Variants in CNTN4 observed in about 807,000 individuals in gnomAD.
The protein encoded by CNTN4 is contactin-4.
In CNTN4, 77 loss-of-function variants were observed where a neutral mutation model predicts 122.5. The ratio of observed to expected loss-of-function variants is 0.63; its 90% CI spans 0.52 to 0.76. CNTN4 has a LOEUF of 0.76. Ranked by LOEUF, CNTN4 falls within the 30% of genes least tolerant of loss-of-function variation. CNTN4 has a pLI of 0.00. For missense variants in CNTN4, 1,256 were observed against 1,259.1 expected, an observed-to-expected ratio of 1.00 and a Z score of 0.04; for synonymous variants, 512 against 447.0, an observed-to-expected ratio of 1.15 and a Z score of -1.83.
intron 3 of CNTN4, among the ~76,000 whole-genome samples, chr3:2,470,296 C>T (rs1371756263): frequency 3.9e-5 from 6 of 151,974 alleles, no homozygotes; most frequent in African/African-American, 1.2e-4. Flanking sequence ...CCAGTGGTCT[C>T]GATCTCCTGA....
chr3:2,612,138 AC>A (rs2081523953), intron 4 of CNTN4, among the ~76,000 whole-genome samples: 7 of 140,832 alleles, frequency 5.0e-5, no homozygotes, highest in Non-Finnish European at 1.1e-4. Context: ...ACACACACAC[AC>A]AACAGACAGA....
chr3:2,144,741 A>G (rs886472056), intron 2 of CNTN4, among the ~76,000 whole-genome samples: 4 of 152,254 alleles, frequency 2.6e-5, no homozygotes, highest in Non-Finnish European at 1.5e-5. Flanking sequence ...ATAGCAAGTC[A>G]TCAATTAAGT....
intron 3 of CNTN4, among the ~76,000 whole-genome samples, chr3:2,353,903 AAAAC>A (rs1207360101): frequency 7.9e-5 from 12 of 151,066 alleles, no homozygotes; most frequent in Admixed American, 2.0e-4. Flanking sequence ...CGTCTCAAAA[AAAAC>A]AAAAACAAAA....
chr3:2,342,284 A>G (rs1453828706), intron 3 of CNTN4, among the ~76,000 whole-genome samples: 2 of 152,182 alleles, frequency 1.3e-5, no homozygotes, highest in Non-Finnish European at 2.9e-5. Context: ...ATTTAGTCTA[A>G]ACTGCACTCA....
chr3:2,975,155 G>C (rs933130168), intron 13 of CNTN4, among the ~76,000 whole-genome samples: 1 of 150,894 alleles, frequency 6.6e-6, no homozygotes, highest in Admixed American at 6.6e-5. Context: ...CTCAATATTA[G>C]GAAAAGCTAT....
At chr3:2,371,573 A>G (rs886966620) in intron 3 of CNTN4, among the ~76,000 whole-genome samples, 1 of 152,214 alleles carries the variant, frequency 6.6e-6, no homozygotes, top group African/African-American at 2.4e-5. Flanking sequence ...TGTACATAGT[A>G]GGTTCTCAGT....
At chr3:2,540,001 C>T (rs111744482) in intron 3 of CNTN4, among the ~76,000 whole-genome samples, 5 of 151,704 alleles carry the variant, frequency 3.3e-5, no homozygotes, top group Non-Finnish European at 7.4e-5. Context: ...TTTAATAATA[C>T]AGGTATCTAT....
At chr3:2,631,895 C>T (rs77639246) in intron 4 of CNTN4, among the ~76,000 whole-genome samples, 2,004 of 123,136 alleles carry the variant, frequency 0.016, 72 homozygotes, top group African/African-American at 0.062. Flanking sequence ...AAAACAACAA[C>T]TAAAAAATTA....
chr3:2,655,409 C>G (rs946232374), intron 4 of CNTN4, among the ~76,000 whole-genome samples: 5 of 152,116 alleles, frequency 3.3e-5, no homozygotes, highest in Admixed American at 2.6e-4. Context: ...TCACCTTTGT[C>G]AGAATGAGAT....
intron 6 of CNTN4, among the ~76,000 whole-genome samples, chr3:2,804,220 G>A (rs2150083215): frequency 6.6e-6 from 1 of 152,108 alleles, no homozygotes; most frequent in East Asian, 1.9e-4. Flanking sequence ...TGTTACAGTG[G>A]GTGTTAGGAT....
At chr3:2,147,647 A>G (rs970719488) in intron 2 of CNTN4, among the ~76,000 whole-genome samples, 5 of 151,992 alleles carry the variant, frequency 3.3e-5, no homozygotes, top group Non-Finnish European at 7.4e-5. Flanking sequence ...ATTATTTCCC[A>G]TCTCAACAGG....
intron 4 of CNTN4, among the ~76,000 whole-genome samples, chr3:2,585,076 TA>T (rs2149598595): frequency 6.6e-6 from 1 of 152,316 alleles, no homozygotes; most frequent in East Asian, 1.9e-4. Flanking sequence ...ATTTTGTCAT[TA>T]ACTACAAATA....
intron 3 of CNTN4, among the ~76,000 whole-genome samples, chr3:2,376,798 C>T (rs1408547981): frequency 1.3e-5 from 2 of 151,946 alleles, no homozygotes; most frequent in African/African-American, 4.8e-5. Flanking sequence ...TGCACTGACT[C>T]ATTATCTGTC....
chr3:2,223,577 T>C (rs2039147506), intron 2 of CNTN4, among the ~76,000 whole-genome samples: 1 of 152,116 alleles, frequency 6.6e-6, no homozygotes, highest in Non-Finnish European at 1.5e-5. Flanking sequence ...GTTGACAGAG[T>C]AGGCCTGATA....
intron 2 of CNTN4, among the ~76,000 whole-genome samples, chr3:2,282,397 G>A (rs1470687674): frequency 6.7e-6 from 1 of 148,962 alleles, no homozygotes; most frequent in Non-Finnish European, 1.5e-5. Flanking sequence ...AGCAATGAGA[G>A]CAAGCACATA....
At chr3:2,297,157 A>T (rs1009984920) in intron 2 of CNTN4, among the ~76,000 whole-genome samples, 3 of 152,286 alleles carry the variant, frequency 2.0e-5, no homozygotes, top group Admixed American at 2.0e-4. Flanking sequence ...ATGTCTTTCA[A>T]TCAGTTTATT....
chr3:2,835,946 A>T (rs1258648360), intron 7 of CNTN4, among the ~76,000 whole-genome samples: 1 of 152,156 alleles, frequency 6.6e-6, no homozygotes, highest in Non-Finnish European at 1.5e-5. Flanking sequence ...AGAGACATCC[A>T]AGAGGAGCTT....
chr3:2,213,789 G>T (rs1361346597), intron 2 of CNTN4, among the ~76,000 whole-genome samples: 2 of 152,156 alleles, frequency 1.3e-5, no homozygotes, highest in Non-Finnish European at 2.9e-5. Flanking sequence ...ATTTTTCTGG[G>T]AGCATAAAGT....
At chr3:2,530,309 CTT>C (rs1206246281) in intron 3 of CNTN4, among the ~76,000 whole-genome samples, 83 of 134,674 alleles carry the variant, frequency 6.2e-4, no homozygotes, top group African/African-American at 1.9e-3. Context: ...TTCTCCTCTT[CTT>C]TTTTTTTTTT....
Sources: allele counts gnomAD v4.1 joint callset (sites outside exome capture counted in the v4.1 genomes callset), GRCh38; gene constraint gnomAD v4.1.1; transcripts MANE v1.5; gene names NCBI Gene and HGNC (gene_info 2026-07-23, HGNC 2026-07-21).